THUMPD3: variants seen among roughly 807,000 people sequenced by gnomAD.
The protein encoded by THUMPD3 is THUMP domain 3 tRNA guanosine methyltransferase, also known as tRNA (guanine(6)-N(2))-methyltransferase THUMP3.
In THUMPD3, 44 loss-of-function variants were observed where a neutral mutation model predicts 54.5. The ratio of observed to expected loss-of-function variants is 0.81; its 90% CI spans 0.63 to 1.04. THUMPD3 has a LOEUF of 1.04. THUMPD3 is among the 50% of genes least tolerant of loss of function. The pLI, the probability that THUMPD3 is intolerant of heterozygous loss-of-function variation, is 0.00. For synonymous variants in THUMPD3, 196 were observed against 201.4 expected (o/e 0.97, Z 0.23); for missense variants, 604 against 601.3 (o/e 1.00, Z -0.05).
Position 9,377,856 on chromosome 3 carries a change from C to T in THUMPD3, c.976C>T (p.Pro326Ser). ...TCTACCTTATGATATAATAGTCGAT[C>T]CAATGTGTGGAACTGGGGCAATACC... ...DPLPYDIIVD[P>S]MCGTGAIPIE... The change falls in exon 6 of 10, where the codon CCA (proline) becomes TCA (serine). Residue 326 changes from proline (P) to serine (S), a missense_variant. Physicochemically the swap from Pro to Ser is moderately conservative, Grantham distance 74. Transcript: ENST00000452837. The T allele has an allele frequency of 6.2e-7, 1 of 1,613,508 alleles. No individual in the cohort carries two copies. The highest frequency in any genetic ancestry group is 1.3e-5 in the African/African-American group (1 of 74,990).
Position 9,384,214 on chromosome 3 carries a change from T to C in THUMPD3, c.1238T>C (p.Met413Thr). Residue 413 changes from methionine to threonine, a missense_variant and splice_region_variant, in exon 9 of 10, where the codon ATG becomes ACG. Met to Thr is a moderately conservative substitution (Grantham distance 81, BLOSUM62 -1). Transcript: ENST00000452837. Reference sequence around the variant, plus strand: ...ACTCATGAGACCTTCTATTATAGGATGGGATCCAAGAAGAGAAACTGGAAC... The same window carrying C: ...ACTCATGAGACCTTCTATTATAGGACGGGATCCAAGAAGAGAAACTGGAAC... ...IVTDLPFGKR[M>T]GSKKRNWNLY... 1 of 1,613,940 alleles carries C rather than the reference T, an allele frequency of 6.2e-7. No homozygotes were observed.
rs745321159 is a variant in THUMPD3 at position 9,384,660 on chromosome 3, G to A, written c.1496G>A (p.Arg499Lys). 6.2e-7 allele frequency: 1 copy of A among 1,614,196 alleles called. No homozygotes were observed. The highest frequency in any genetic ancestry group is 1.7e-5 in the Admixed American group (1 of 60,014). Residue 499 changes from arginine (R) to lysine (K), a missense_variant, in exon 10 of 10, where the codon AGA (arginine) becomes AAA (lysine). Transcript: ENST00000452837. ...FVHPSEQDGE[R>K]GTLWQCKE ...CATCCTTCAGAACAAGACGGAGAAAGAGGAACTCTTTGGCAATGCAAAGAA... is the reference window on the plus strand; with the variant it reads ...CATCCTTCAGAACAAGACGGAGAAAAAGGAACTCTTTGGCAATGCAAAGAA...
At chr3:9,381,995 G>A (rs2032955821) in intron 7 of THUMPD3, among the ~76,000 whole-genome samples, 1 of 151,580 alleles carries the variant, frequency 6.6e-6, no homozygotes, top group Admixed American at 6.6e-5. Context: ...ATGTTAGCCA[G>A]GATGGTCTCA....
chr3:9,369,256 G>C (rs944923438), intron 3 of THUMPD3, among the ~76,000 whole-genome samples: 20 of 128,492 alleles, frequency 1.6e-4, no homozygotes, highest in African/African-American at 5.1e-4. Context: ...GTTGCAGTGA[G>C]CCGAGATCAC....
intron 7 of THUMPD3, among the ~76,000 whole-genome samples, chr3:9,381,406 C>T (rs979036749): frequency 3.3e-5 from 5 of 152,158 alleles, no homozygotes; most frequent in Non-Finnish European, 5.9e-5. Context: ...CCTAGGAGTA[C>T]TGTTAACACA....
At position 9,371,207 on chromosome 3, in the gene THUMPD3, A is replaced by G. The variant is rs2032007516; in HGVS notation, c.478A>G (p.Asn160Asp). 3.1e-6 allele frequency: 5 copies of G among 1,611,126 alleles called. No homozygotes were observed. Among genetic ancestry groups the G allele is most frequent in the Middle Eastern group, 1.7e-4 (1 of 6,052 alleles). The change falls in exon 4 of 10, where the codon AAT (asparagine) becomes GAT (aspartate). Residue 160 changes from asparagine (N) to aspartate (D), a missense_variant. Physicochemically the swap from Asn to Asp is conservative, Grantham distance 23 (BLOSUM62 1). Coordinates refer to ENST00000452837, the MANE Select transcript of THUMPD3 (RefSeq NM_001114092.2). ...GAATTCAAGTAAAGAGAAGATTAAT[A>G]ATGGACAAGAAGTCAAAATCGATCA... Reference protein sequence around the residue: ...NQNSSKEKINNGQEVKIDQRN... With the variant: ...NQNSSKEKINDGQEVKIDQRN...
At chr3:9,379,583 G>C (rs1170446159) in intron 6 of THUMPD3, among the ~76,000 whole-genome samples, 1 of 152,166 alleles carries the variant, frequency 6.6e-6, no homozygotes, top group East Asian at 1.9e-4. Flanking sequence ...AATGACATGT[G>C]ACAGCTTGGT....
chr3:9,378,480 T>C (rs1310541206), intron 6 of THUMPD3, among the ~76,000 whole-genome samples: 1 of 152,240 alleles, frequency 6.6e-6, no homozygotes, highest in African/African-American at 2.4e-5. Flanking sequence ...GAATAATCAG[T>C]ATCATCTATA....
chr3:9,383,052 T>C (rs1027847707), intron 7 of THUMPD3, 147 bp from the exon 8 acceptor site: 9 of 539,994 alleles, frequency 1.7e-5, no homozygotes, highest in Middle Eastern at 3.2e-4. Context: ...CTTTGTGCCA[T>C]TTCTTAAATT....
At chr3:9,380,795 T>A (rs998862204) in intron 7 of THUMPD3, 177 bp downstream of exon 7, 3 of 435,670 alleles carry the variant, frequency 6.9e-6, no homozygotes, top group Non-Finnish European at 1.2e-5. Context: ...TTTTAAAATA[T>A]TATTTTAGCG....
intron 4 of THUMPD3, among the ~76,000 whole-genome samples, 164 bp from the exon 5 acceptor site, chr3:9,374,352 C>G (rs1174084188): frequency 6.6e-6 from 1 of 152,122 alleles, no homozygotes; most frequent in Non-Finnish European, 1.5e-5. Flanking sequence ...CTATGCCAAT[C>G]AGGTGTCTGC....
chr3:9,380,197 T>A (rs2032773676), intron 6 of THUMPD3, among the ~76,000 whole-genome samples: 1 of 151,982 alleles, frequency 6.6e-6, no homozygotes, highest in Non-Finnish European at 1.5e-5. Flanking sequence ...TAATTAACCG[T>A]GGGACAAGTG....
intron 3 of THUMPD3, 46 bp downstream of exon 3, chr3:9,367,031 A>G (rs2031622890): frequency 7.0e-7 from 1 of 1,432,882 alleles, no homozygotes; most frequent in Admixed American, 1.8e-5. Context: ...TGTCTTCCAC[A>G]AAGAGATTAT....
At chr3:9,372,194 A>G (rs2032100811) in intron 4 of THUMPD3, among the ~76,000 whole-genome samples, 1 of 152,198 alleles carries the variant, frequency 6.6e-6, no homozygotes, top group Non-Finnish European at 1.5e-5. Context: ...TTACTATATT[A>G]TATGGACTTT....
chr3:9,376,826 A>G (rs2728945), intron 5 of THUMPD3, among the ~76,000 whole-genome samples: 131,248 of 152,136 alleles, frequency 0.86, 56,876 homozygotes, highest in African/African-American at 0.93. Context: ...GTTACCTACT[A>G]GTTTTGTGTC....
At position 9,384,371 on chromosome 3, in the gene THUMPD3, G is replaced by A. The variant is rs746173902; in HGVS notation, c.1359+36G>A. 14 of 1,598,898 alleles carry A rather than the reference G, an allele frequency of 8.8e-6. No individual in the cohort carries two copies. The East Asian group carries it at 2.0e-4, about 23-fold the overall frequency. ...CATTAGCTCAAAATCGCAGCCTGTGGCAACTTTGGGATCTTTTTGAGATTT... is the reference window on the plus strand; with the variant it reads ...CATTAGCTCAAAATCGCAGCCTGTGACAACTTTGGGATCTTTTTGAGATTT... On this transcript the variant is annotated intron_variant, in intron 9 of 9. Transcript: ENST00000452837.
chr3:9,374,622 C>A lies in THUMPD3; in HGVS notation c.914C>A (p.Ser305Ter). 1 of 1,613,916 alleles carries A rather than the reference C, an allele frequency of 6.2e-7. No individual in the cohort carries two copies. The highest frequency in any genetic ancestry group is 1.1e-5 in the South Asian group (1 of 91,034). ...CATTTTGGACCTACAACTCTTAGAT[C>A]AACTCTTGCCTATGGGATGCTCAGG... The part of the protein sequence containing the change: ...ITHFGPTTLR[S>*]TLAYGMLRLC... Residue 305 changes from serine (S) to a stop codon, truncating the protein, a stop_gained, in exon 5 of 10, where the codon TCA becomes TAA. Coordinates refer to ENST00000452837, the MANE Select transcript of THUMPD3 (RefSeq NM_001114092.2). LOFTEE classifies it high-confidence loss of function.
intron 4 of THUMPD3, among the ~76,000 whole-genome samples, chr3:9,373,925 T>G (rs1180650197): frequency 6.6e-6 from 1 of 152,232 alleles, no homozygotes; most frequent in Non-Finnish European, 1.5e-5. Flanking sequence ...AAAACTTTTT[T>G]GTTGAGATAC....
chr3:9,372,799 C>CT (rs1464102643), intron 4 of THUMPD3, among the ~76,000 whole-genome samples: 1 of 152,178 alleles, frequency 6.6e-6, no homozygotes, highest in Non-Finnish European at 1.5e-5. Context: ...ATTTAAGTCT[C>CT]TGACACCTTA....
Sources: allele counts gnomAD v4.1 joint callset (sites outside exome capture counted in the v4.1 genomes callset), GRCh38; gene constraint gnomAD v4.1.1; transcripts MANE v1.5; gene names NCBI Gene and HGNC (gene_info 2026-07-23, HGNC 2026-07-21).